USP28: variants seen among roughly 807,000 people sequenced by gnomAD.
USP28 encodes ubiquitin specific peptidase 28.
USP28 carries 113 observed loss-of-function variants against 145.0 expected under a neutral mutation model. The observed-to-expected ratio is 0.78, with a 90% CI of 0.67 to 0.91. The LOEUF (loss-of-function observed/expected upper bound fraction) is 0.91, where lower values mean the gene tolerates loss of function less well. USP28 is among the 40% of genes least tolerant of loss of function. USP28 has a pLI of 0.00. For missense variants in USP28, 1,201 were observed against 1,289.6 expected (o/e 0.93, Z 1.05); for synonymous variants, 447 against 450.9 (o/e 0.99, Z 0.11).
At chr11:113,833,654 A>G (rs1944271102) in intron 6 of USP28, 97 bp from the exon 7 acceptor site, 1 of 1,224,344 alleles carries the variant, frequency 8.2e-7, no homozygotes, top group South Asian at 1.5e-5. Context: ...GCCCTCATTT[A>G]TATTTACCTA....
exon 25 of USP28, chr11:113,798,649 A>G (rs1938374837): frequency 6.6e-6 from 1 of 152,632 alleles, no homozygotes; most frequent in South Asian, 2.1e-4. Context: ...TAAAGATAGA[A>G]AAGAAAGGAG....
chr11:113,813,801 G>A, intron 15 of USP28, 84 bp downstream of exon 15: 1 of 1,062,574 alleles, frequency 9.4e-7, no homozygotes, highest in Non-Finnish European at 1.4e-6. Flanking sequence ...TTCCCATTGG[G>A]TTTAAAAGAA....
At chr11:113,818,111 C>T (rs1565369244) in intron 12 of USP28, 1 of 332,712 alleles carries the variant, frequency 3.0e-6, no homozygotes, top group East Asian at 5.0e-5. Flanking sequence ...CTCATGATGT[C>T]ATATTACATT....
intron 2 of USP28, among the ~76,000 whole-genome samples, chr11:113,853,872 C>A (rs1946744940): frequency 2.7e-5 from 1 of 36,892 alleles, no homozygotes; most frequent in Non-Finnish European, 5.4e-5. Flanking sequence ...GAGTGAGACT[C>A]CATCTCAAAA....
intron 12 of USP28, among the ~76,000 whole-genome samples, chr11:113,819,272 C>A (rs532595319): frequency 5.9e-5 from 9 of 151,526 alleles, no homozygotes; most frequent in Non-Finnish European, 1.3e-4. Flanking sequence ...GATGCCACGC[C>A]CAGCTAATTT....
intron 18 of USP28, among the ~76,000 whole-genome samples, chr11:113,807,701 C>A (rs2428019): frequency 0.2 from 30,787 of 151,892 alleles, 3,254 homozygotes; most frequent in Non-Finnish European, 0.23. Flanking sequence ...TTTTCTGAGC[C>A]ATCTAGACTC....
intron 13 of USP28, among the ~76,000 whole-genome samples, chr11:113,816,289 G>A (rs917157830): frequency 2.0e-5 from 3 of 152,086 alleles, no homozygotes; most frequent in Non-Finnish European, 2.9e-5. Flanking sequence ...GGCTAAGGAG[G>A]GCAAATTACC....
At chr11:113,865,884 T>C (rs561254974) in intron 1 of USP28, among the ~76,000 whole-genome samples, 1 of 152,356 alleles carries the variant, frequency 6.6e-6, no homozygotes, top group African/African-American at 2.4e-5. Flanking sequence ...CCCAGCTACT[T>C]GGGACACTGA....
In USP28 at chr11:113,836,586, C is replaced by G. The variant is rs558682898; in HGVS notation, c.535-2251G>C. Reference sequence around the variant, plus strand: ...CCTCCTAGGTGACTAGAGTCAACATCCAATCCCTGAGGACATCCTGTCAGT... The same window carrying G: ...CCTCCTAGGTGACTAGAGTCAACATGCAATCCCTGAGGACATCCTGTCAGT... On this transcript the variant is annotated intron_variant, in intron 5 of 24. Transcript: ENST00000003302. 2.5e-4 allele frequency among the ~76,000 whole-genome samples: 38 copies of G among 152,324 alleles called. No individual in the cohort carries two copies. In the South Asian group the frequency reaches 7.5e-3, roughly 30 times the overall value.
exon 25 of USP28, chr11:113,798,708 T>C (rs796512247): frequency 6.6e-6 from 1 of 152,648 alleles, no homozygotes; most frequent in African/African-American, 2.4e-5. Flanking sequence ...CATGTGAGCT[T>C]ATATTCTACC....
intron 9 of USP28, among the ~76,000 whole-genome samples, chr11:113,830,475 G>A (rs1820605057): frequency 2.6e-5 from 4 of 152,082 alleles, no homozygotes; most frequent in Admixed American, 2.6e-4. Flanking sequence ...AGATAGATAA[G>A]CCTCCAGAGT....
At position 113,829,157 on chromosome 11, in the gene USP28, G is replaced by A. The variant is rs1943697952; in HGVS notation, c.1059+40C>T. ...CCAAAAGCTCACTCCTACTTAACTG[G>A]CTTTGTCACTGGCACAGCAAATAAA... is the stretch of plus-strand genomic sequence containing the variant. On this transcript the variant is annotated intron_variant, in intron 10 of 24. Coordinates refer to ENST00000003302, the Ensembl canonical transcript of USP28. 1.9e-6 allele frequency: 3 copies of A among 1,604,604 alleles called. No homozygotes were observed. The Admixed American group carries it at 5.1e-5, about 27-fold the overall frequency.
At chr11:113,872,441 C>T (rs1054064786) in intron 1 of USP28, among the ~76,000 whole-genome samples, 29 of 150,984 alleles carry the variant, frequency 1.9e-4, no homozygotes, top group Non-Finnish European at 3.8e-4. Flanking sequence ...GAGCAGAGAT[C>T]GCGCCACTGC....
chr11:113,849,851 C>T (rs574023282), intron 3 of USP28, among the ~76,000 whole-genome samples: 1 of 152,280 alleles, frequency 6.6e-6, no homozygotes, highest in East Asian at 1.9e-4. Flanking sequence ...TAGGGGACTA[C>T]AAATGGGTCC....
At chr11:113,848,514 C>T (rs1946123099) in intron 3 of USP28, among the ~76,000 whole-genome samples, 1 of 152,092 alleles carries the variant, frequency 6.6e-6, no homozygotes, top group South Asian at 2.1e-4. Context: ...TCTGGGGCTT[C>T]GTGACACAGA....
chr11:113,863,210 T>A (rs1227232255), intron 1 of USP28, among the ~76,000 whole-genome samples: 1 of 151,942 alleles, frequency 6.6e-6, no homozygotes, highest in Non-Finnish European at 1.5e-5. Context: ...ACAGGCAAAA[T>A]TCAGTTGTGT....
chr11:113,863,944 C>T (rs1947996994), intron 1 of USP28, among the ~76,000 whole-genome samples: 1 of 129,540 alleles, frequency 7.7e-6, no homozygotes, highest in Admixed American at 8.3e-5. Flanking sequence ...GACTCCGTCT[C>T]GAAAAAAAAA....
intron 5 of USP28, among the ~76,000 whole-genome samples, chr11:113,837,117 T>C (rs1167940705): frequency 6.6e-6 from 1 of 152,248 alleles, no homozygotes; most frequent in African/African-American, 2.4e-5. Context: ...TGCTCTTTTT[T>C]CTACTGGACC....
chr11:113,854,190 A>T, intron 2 of USP28, 68 bp downstream of exon 2: 1 of 1,409,830 alleles, frequency 7.1e-7, no homozygotes, highest in African/African-American at 1.5e-5. Context: ...AAATAGCTTG[A>T]ACTGACATAA....
Sources: gnomAD v4.1 joint callset for allele counts (sites outside exome capture counted in the v4.1 genomes callset) on GRCh38, gnomAD v4.1.1 for gene constraint, MANE v1.5 for transcripts, NCBI Gene and HGNC (gene_info 2026-07-23, HGNC 2026-07-21) for gene names.